CFAP46: variants seen among roughly 807,000 people sequenced by gnomAD.
CFAP46 encodes cilia- and flagella-associated protein 46.
In CFAP46, 245 loss-of-function variants were observed where a neutral mutation model predicts 325.7. That is an observed-to-expected ratio of 0.75 (90% CI 0.68 to 0.84). The LOEUF is 0.84. CFAP46 is among the 40% of genes least tolerant of loss of function. The pLI is 0.00. For synonymous variants in CFAP46, 1,523 were observed against 1,495.9 expected, an observed-to-expected ratio of 1.02 and a Z score of -0.42; for missense variants, 3,346 against 3,543.0, an observed-to-expected ratio of 0.94 and a Z score of 1.41.
In CFAP46 at chr10:132,908,368, C is replaced by G. The variant is rs1002765411; in HGVS notation, c.2924+100G>C. The G allele has an allele frequency of 7.8e-6, 11 of 1,409,370 alleles. No individual in the cohort carries two copies. The Admixed American group carries it at 1.0e-4, about 13-fold the overall frequency. The allele number at this position is 1,409,370 out of a possible 1,614,324, so 87.3% of individuals were successfully genotyped here. A position where few individuals can be genotyped will look rare whatever the true frequency, so the allele number is the denominator to read the frequency against. The stretch of plus-strand genomic sequence containing the variant: ...CGCGCTCCCTGCCCGTTTTGGGGAA[C>G]TGGTGGGGCGCTCACCTGCTCCCTG... On this transcript the variant is annotated intron_variant, in intron 22 of 57. Coordinates refer to ENST00000368586, the MANE Select transcript of CFAP46 (RefSeq NM_001200049.3).
chr10:132,908,552 T>A lies in CFAP46; in HGVS notation c.2840A>T (p.His947Leu), dbSNP rs1232547283. ...GGTGGTCTCATGGTCACGCGCTGCATGGGCGAAGTGGGTCAGCCGCGTCAG... is the reference window on the plus strand; with the variant it reads ...GGTGGTCTCATGGTCACGCGCTGCAAGGGCGAAGTGGGTCAGCCGCGTCAG... ...QTLTRLTHFA[H>L]AARDHETTMA... Residue 947 changes from histidine to leucine, a missense_variant, in exon 22 of 58, where the codon CAT (histidine) becomes CTT (leucine). Coordinates refer to ENST00000368586, the MANE Select transcript of CFAP46 (RefSeq NM_001200049.3). The A allele has an allele frequency of 6.5e-7, 1 of 1,550,340 alleles. No individual in the cohort carries two copies. Among genetic ancestry groups the A allele is most frequent in the Admixed American group, 2.0e-5 (1 of 50,976 alleles).
intron 25 of CFAP46, among the ~76,000 whole-genome samples, chr10:132,891,702 G>A (rs912888026): frequency 1.3e-5 from 2 of 152,170 alleles, no homozygotes; most frequent in African/African-American, 4.8e-5. Flanking sequence ...CTCGGAAGCC[G>A]GCTACCTGGA....
intron 24 of CFAP46, among the ~76,000 whole-genome samples, 162 bp from the exon 25 acceptor site, chr10:132,892,579 C>T (rs1433099699): frequency 6.6e-6 from 1 of 152,190 alleles, no homozygotes; most frequent in Non-Finnish European, 1.5e-5. Flanking sequence ...GTACCGGCCA[C>T]TATTGCCAAA....
At chr10:132,881,634 C>A (rs61862350) in intron 27 of CFAP46, among the ~76,000 whole-genome samples, 1 of 81,784 alleles carries the variant, frequency 1.2e-5, no homozygotes, top group African/African-American at 3.0e-5. Flanking sequence ...CGCAGCCCTG[C>A]GAGCCGGGGT....
Position 132,922,219 on chromosome 10 carries a change from T to C in CFAP46, c.1491A>G (p.Lys497=). 1 of 1,549,264 alleles carries C rather than the reference T, an allele frequency of 6.5e-7. No homozygotes were observed. The highest frequency in any genetic ancestry group is 8.7e-7 in the Non-Finnish European group (1 of 1,146,020). The part of the protein sequence containing the change: ...DKAIMAVEQA[K]KATPKDSVRK... ...TGACGCTGTCCTTTGGTGTAGCTTT[T>C]TTTGCCTGTGAAAAGCAGAGACTGA... The change falls in exon 13 of 58, where the codon AAA becomes AAG. Residue 497 remains lysine, a synonymous_variant. Coordinates refer to ENST00000368586, the MANE Select transcript of CFAP46 (RefSeq NM_001200049.3).
chr10:132,917,556 G>A (rs1435487625), intron 16 of CFAP46, among the ~76,000 whole-genome samples: 1 of 152,186 alleles, frequency 6.6e-6, no homozygotes, highest in Non-Finnish European at 1.5e-5. Context: ...AGCAAATGCC[G>A]AGGTACCATC....
intron 16 of CFAP46, among the ~76,000 whole-genome samples, chr10:132,917,528 C>T (rs1043652261): frequency 3.3e-5 from 5 of 152,258 alleles, no homozygotes; most frequent in African/African-American, 1.2e-4. Context: ...CATCACGCCA[C>T]ATTCAATGCG....
At position 132,905,378 on chromosome 10, in the gene CFAP46, G is replaced by A. The variant is rs113919477; in HGVS notation, c.2924+3090C>T. 3.3e-4 allele frequency among the ~76,000 whole-genome samples: 50 copies of A among 150,902 alleles called. 1 individual carries two copies. The highest frequency in any genetic ancestry group is 1.2e-3 in the Admixed American group (18 of 15,190). Reference sequence around the variant, plus strand: ...AGTCAGACAGCTCTCTCCGCACAGCGTCCATCTGGGGACAGCTCTTGACTA... The same window carrying A: ...AGTCAGACAGCTCTCTCCGCACAGCATCCATCTGGGGACAGCTCTTGACTA... On this transcript the variant is annotated intron_variant, in intron 22 of 57. Transcript: ENST00000368586.
rs758731739 is a variant in CFAP46 at position 132,885,921 on chromosome 10, C to T, written c.3343G>A (p.Gly1115Ser). The T allele has an allele frequency of 8.5e-5, 132 of 1,550,274 alleles. No individual in the cohort carries two copies. Among genetic ancestry groups the T allele is most frequent in the Middle Eastern group, 3.3e-4 (2 of 5,974 alleles). Residue 1115 changes from glycine to serine, a missense_variant, in exon 26 of 58, where the codon GGC becomes AGC. Gly to Ser is a moderately conservative substitution (Grantham distance 56). Coordinates refer to ENST00000368586, the MANE Select transcript of CFAP46 (RefSeq NM_001200049.3). ...DDLALRAALY[G>S]LLFHSHADQD... Reference sequence around the variant, plus strand: ...TCGGCATGGCTGTGGAAGAGCAGGCCGTAGAGCGCAGCACGGAGCGCCAGG... The same window carrying T: ...TCGGCATGGCTGTGGAAGAGCAGGCTGTAGAGCGCAGCACGGAGCGCCAGG...
chr10:132,860,694 C>T, intron 36 of CFAP46, 88 bp downstream of exon 36: 1 of 1,413,506 alleles, frequency 7.1e-7, no homozygotes, highest in Non-Finnish European at 9.7e-7. Flanking sequence ...CAGCGGTCTG[C>T]CAGGCAGAGC....
chr10:132,845,138 C>T (rs1848413087), intron 44 of CFAP46, among the ~76,000 whole-genome samples: 1 of 152,230 alleles, frequency 6.6e-6, no homozygotes, highest in Admixed American at 6.5e-5. Flanking sequence ...TCCGGCAGGG[C>T]CATGTGCATC....
chr10:132,887,302 C>T (rs1225178609), intron 25 of CFAP46, among the ~76,000 whole-genome samples: 6 of 115,032 alleles, frequency 5.2e-5, no homozygotes, highest in Non-Finnish European at 8.5e-5. Context: ...CTTTCCTCTC[C>T]CCTCTTCTCT....
Position 132,886,073 on chromosome 10 carries a change from T to C in CFAP46, c.3305-114A>G. Reference sequence around the variant, plus strand: ...AGTGCCCCTGAGGTGGAACCGCGGCTACAGAGGTGCCCAGGCCAGCGCATG... The same window carrying C: ...AGTGCCCCTGAGGTGGAACCGCGGCCACAGAGGTGCCCAGGCCAGCGCATG... On this transcript the variant is annotated intron_variant, in intron 25 of 57. Coordinates refer to ENST00000368586, the MANE Select transcript of CFAP46 (RefSeq NM_001200049.3). The surrounding 1 kb of genome is among the most constrained non-coding windows in gnomAD (Gnocchi z 5.8). 1 of 1,366,382 alleles carries C rather than the reference T, an allele frequency of 7.3e-7. No homozygotes were observed. The highest frequency in any genetic ancestry group is 9.9e-7 in the Non-Finnish European group (1 of 1,005,612). The allele number at this position is 1,366,382 out of a possible 1,614,324, so 84.6% of individuals were successfully genotyped here.
intron 17 of CFAP46, 83 bp from the exon 18 acceptor site, chr10:132,913,341 G>C: frequency 1.3e-6 from 1 of 795,128 alleles, no homozygotes; most frequent in Non-Finnish European, 2.0e-6. Context: ...GGGCCTGTTA[G>C]GAACCAGGCT....
rs1848457033 is a variant in CFAP46 at position 132,847,376 on chromosome 10, T to A, written c.5953-55A>T. On this transcript the variant is annotated intron_variant, in intron 41 of 57. Coordinates refer to ENST00000368586, the MANE Select transcript of CFAP46 (RefSeq NM_001200049.3). The surrounding 1 kb of genome is among the most constrained non-coding windows in gnomAD (Gnocchi z 5.2). ...CTTCTGGGTTCCTGCTTGGTCGGCG[T>A]GGGGAGGGCCCACCCAGGGAGGCCG... 3.8e-6 allele frequency: 6 copies of A among 1,599,930 alleles called. No homozygotes were observed. The highest frequency in any genetic ancestry group is 5.1e-6 in the Non-Finnish European group (6 of 1,171,166).
chr10:132,837,931 A>ATGCACGGACACAGACACGCACATG (rs1554876898), intron 44 of CFAP46, among the ~76,000 whole-genome samples: 31 of 142,318 alleles, frequency 2.2e-4, no homozygotes, highest in African/African-American at 7.4e-4. Flanking sequence ...ACACGCAGAC[A>ATGCACGGACACAGACACGCACATG]TGCACGGACA....
intron 20 of CFAP46, 127 bp downstream of exon 20, chr10:132,909,792 C>A (rs1331565356): frequency 2.2e-6 from 2 of 891,250 alleles, no homozygotes; most frequent in Non-Finnish European, 3.2e-6. Context: ...AAAGGGAGTG[C>A]CCAGGCCATC....
Position 132,876,683 on chromosome 10 carries a change from G to T in CFAP46, c.4362+129C>A, listed in dbSNP as rs1848961861. On this transcript the variant is annotated intron_variant, in intron 31 of 57. Coordinates refer to ENST00000368586, the MANE Select transcript of CFAP46 (RefSeq NM_001200049.3). The surrounding 1 kb of genome is among the most constrained non-coding windows in gnomAD (Gnocchi z 4.1). ...CTGGGAGGGCCTGTGGGAGGCTGGG[G>T]GCTGATGGGACTCTGTCCTGTCCTC... 6.3e-6 allele frequency: 6 copies of T among 948,428 alleles called. No homozygotes were observed. In the East Asian group the frequency reaches 1.6e-4, roughly 26 times the overall value. The allele number at this position is 948,428 out of a possible 1,614,324, so 58.8% of individuals were successfully genotyped here.
chr10:132,890,650 C>G (rs1013135677), intron 25 of CFAP46, among the ~76,000 whole-genome samples: 2 of 152,158 alleles, frequency 1.3e-5, no homozygotes, highest in African/African-American at 2.4e-5. Context: ...CCCCAAACTC[C>G]TCAGGGAGGT....
Sources: gnomAD v4.1 joint callset for allele counts (sites outside exome capture counted in the v4.1 genomes callset) on GRCh38, gnomAD v4.1.1 for gene constraint, Gnocchi (gnomAD v3.1) non-coding constraint, MANE v1.5 for transcripts, NCBI Gene and HGNC (gene_info 2026-07-23, HGNC 2026-07-21) for gene names.